The following FAM185A variants were observed in gnomAD, a reference collection of about 807,000 sequenced individuals.
The protein encoded by FAM185A is family with sequence similarity 185 member A.
A neutral mutation model predicts 45.7 loss-of-function variants in FAM185A; 21 were observed. The ratio of observed to expected loss-of-function variants is 0.46; its 90% CI spans 0.33 to 0.66. The LOEUF (loss-of-function observed/expected upper bound fraction) is 0.66. FAM185A is among the 30% of genes least tolerant of loss of function. FAM185A has a pLI of 0.03. For missense variants in FAM185A, 305 were observed against 485.4 expected, an observed-to-expected ratio of 0.63 and a Z score of 3.49; for synonymous variants, 117 against 194.0, an observed-to-expected ratio of 0.60 and a Z score of 3.30.
chr7:102,752,824 G>C (rs1388041011), intron 2 of FAM185A, among the ~76,000 whole-genome samples: 1 of 142,466 alleles, frequency 7.0e-6, no homozygotes, highest in Admixed American at 7.2e-5. Flanking sequence ...AGTGCTTCTT[G>C]CATTTGCATA....
chr7:102,819,204 A>T, the FAM185A span, among the ~76,000 whole-genome samples: 3 of 152,166 alleles, frequency 2.0e-5, no homozygotes, highest in African/African-American at 7.2e-5. Context: ...CTTTCCCCAC[A>T]GAGGGCCATA....
chr7:102,812,118 AT>A (rs550273514), downstream of FAM185A, among the ~76,000 whole-genome samples: 1,077 of 152,314 alleles, frequency 7.1e-3, 9 homozygotes, highest in African/African-American at 0.024. Flanking sequence ...CTGATCTGAT[AT>A]TGCTGACAAG....
chr7:102,812,466 CT>C (rs1430162987), downstream of FAM185A, among the ~76,000 whole-genome samples: 1 of 152,124 alleles, frequency 6.6e-6, no homozygotes, highest in African/African-American at 2.4e-5. Context: ...TAATTTGCCC[CT>C]GACTAAGTCA....
chr7:102,766,922 A>G (rs1794442412), intron 4 of FAM185A, among the ~76,000 whole-genome samples: 1 of 151,936 alleles, frequency 6.6e-6, no homozygotes, highest in South Asian at 2.1e-4. Flanking sequence ...CTGCCTCCCA[A>G]GTAGCTGGGA....
chr7:102,780,192 A>C (rs1249982870), intron 6 of FAM185A, among the ~76,000 whole-genome samples: 1 of 152,158 alleles, frequency 6.6e-6, no homozygotes, highest in Non-Finnish European at 1.5e-5. Context: ...ACCACGACCC[A>C]TAAGTAAATG....
chr7:102,806,318 G>A (rs1298672365), intron 7 of FAM185A, among the ~76,000 whole-genome samples: 1 of 152,124 alleles, frequency 6.6e-6, no homozygotes, highest in African/African-American at 2.4e-5. Flanking sequence ...CCAAGTAGCT[G>A]GGATTACAGG....
chr7:102,776,048 CTTTG>C (rs1457753124), intron 5 of FAM185A, among the ~76,000 whole-genome samples: 1 of 119,062 alleles, frequency 8.4e-6, no homozygotes, highest in Non-Finnish European at 1.8e-5. Flanking sequence ...AATTTACTCT[CTTTG>C]TTTGAAGTCA....
Position 102,749,426 on chromosome 7 carries a change from G to A in FAM185A, c.219G>A (p.Pro73=). The change falls in exon 1 of 8, where the codon CCG becomes CCA. Residue 73 remains proline (P), a synonymous_variant. Transcript: ENST00000413034. ...AGGAGTGGACACTGCAGGTGAGCCCGTTTGGTCGGCTGCGGGCGCGGCTCC... is the reference window on the plus strand; with the variant it reads ...AGGAGTGGACACTGCAGGTGAGCCCATTTGGTCGGCTGCGGGCGCGGCTCC... ...TLKEWTLQVS[P]FGRLRARLPC... 1 of 1,548,276 alleles carries A rather than the reference G, an allele frequency of 6.5e-7. No individual in the cohort carries two copies. The highest frequency in any genetic ancestry group is 1.2e-5 in the South Asian group (1 of 83,922).
Position 102,772,419 on chromosome 7 carries a change from A to T in FAM185A, c.804A>T (p.Thr268=). The change falls in exon 5 of 8, where the codon ACA becomes ACT. Residue 268 remains threonine (T), a synonymous_variant. Transcript: ENST00000413034. Reference sequence around the variant, plus strand: ...TTTTCTTTTTGGCAGGTAATATAACATTACAAAGCAAGATGGGTAACATCA... The same window carrying T: ...TTTTCTTTTTGGCAGGTAATATAACTTTACAAAGCAAGATGGGTAACATCA... ...ITLGSVHGNI[T]LQSKMGNITV... 6.5e-7 allele frequency: 1 copy of T among 1,543,870 alleles called. No individual in the cohort carries two copies. The highest frequency in any genetic ancestry group is 8.7e-7 in the Non-Finnish European group (1 of 1,143,858).
At chr7:102,776,466 G>A (rs1318210727) in intron 5 of FAM185A, among the ~76,000 whole-genome samples, 2 of 151,962 alleles carry the variant, frequency 1.3e-5, no homozygotes, top group African/African-American at 4.8e-5. Flanking sequence ...GACAAATCAG[G>A]GTTACCTTAA....
chr7:102,804,444 T>C (rs1009313467), intron 7 of FAM185A, among the ~76,000 whole-genome samples: 12 of 152,170 alleles, frequency 7.9e-5, no homozygotes, highest in African/African-American at 2.9e-4. Context: ...AGGACACCCT[T>C]TTCAACAAAT....
At chr7:102,799,670 C>A (rs77449850) in intron 7 of FAM185A, among the ~76,000 whole-genome samples, 2 of 152,154 alleles carry the variant, frequency 1.3e-5, no homozygotes, top group East Asian at 3.8e-4. Flanking sequence ...GGTCCACTCG[C>A]CCAGCGTAAT....
Position 102,805,511 on chromosome 7 carries a change from T to C in FAM185A, c.1067-2779T>C, listed in dbSNP as rs1237722237. Among the ~76,000 whole-genome samples, 3 of 148,946 alleles carry C rather than the reference T, an allele frequency of 2.0e-5. No individual in the cohort carries two copies. In the East Asian group the frequency reaches 5.9e-4, roughly 29 times the overall value. ...ACGCAAAGGCATAAGAGTGATACAA[T>C]GGACTTTGGGGACGTGGGGGAAAGG... On this transcript the variant is annotated intron_variant, in intron 7 of 7. Transcript: ENST00000413034.
chr7:102,843,380 T>A, the FAM185A span, among the ~76,000 whole-genome samples: 2 of 152,020 alleles, frequency 1.3e-5, no homozygotes. Context: ...GAGGCAGAGG[T>A]TGCAGTGAGC....
the FAM185A span, chr7:102,834,462 T>C: frequency 6.8e-6 from 1 of 146,760 alleles, no homozygotes; most frequent in Non-Finnish European, 1.5e-5. Flanking sequence ...TGATTATATA[T>C]ATATATATAT....
intron 7 of FAM185A, among the ~76,000 whole-genome samples, chr7:102,800,320 C>G (rs1433475968): frequency 6.6e-6 from 1 of 152,164 alleles, no homozygotes; most frequent in Non-Finnish European, 1.5e-5. Context: ...TGTTGGTTTT[C>G]TGACAAAACA....
At chr7:102,758,924 A>T (rs1406972778) in intron 3 of FAM185A, among the ~76,000 whole-genome samples, 1 of 152,072 alleles carries the variant, frequency 6.6e-6, no homozygotes, top group Non-Finnish European at 1.5e-5. Flanking sequence ...TTGTTGGCAT[A>T]ATTAAACAAG....
the FAM185A span, among the ~76,000 whole-genome samples, chr7:102,826,733 A>G: frequency 2.4e-5 from 1 of 41,688 alleles, no homozygotes; most frequent in Admixed American, 2.4e-4. Context: ...TCATATATAT[A>G]TATATATATA....
chr7:102,813,582 C>A, downstream of FAM185A: 1 of 1,563,986 alleles, frequency 6.4e-7, no homozygotes. Context: ...ACCCCTAGTG[C>A]AAAATTTTCA....
Sources: gnomAD v4.1 joint callset for allele counts (sites outside exome capture counted in the v4.1 genomes callset) on GRCh38, gnomAD v4.1.1 for gene constraint, MANE v1.5 for transcripts, NCBI Gene and HGNC (gene_info 2026-07-23, HGNC 2026-07-21) for gene names.